Variants in TCF20 observed in about 807,000 individuals in gnomAD.
TCF20 encodes the protein transcription factor 20, also known as SPRE-binding protein.
Under a neutral mutation model 148.6 loss-of-function variants are expected in TCF20, and 3 were observed. The ratio of observed to expected loss-of-function variants is 0.02; its 90% CI spans 0.01 to 0.05. TCF20 has a LOEUF of 0.05. Among genes scored for constraint, TCF20 ranks in the 10% least tolerant of loss-of-function variants. The pLI is 1.00. For missense variants in TCF20, 2,350 were observed against 2,429.3 expected (o/e 0.97, Z 0.69); for synonymous variants, 1,049 against 909.5 (o/e 1.15, Z -2.76).
chr22:42,198,627 A>C (rs1367879519), intron 2 of TCF20, among the ~76,000 whole-genome samples: 1 of 152,056 alleles, frequency 6.6e-6, no homozygotes, highest in East Asian at 1.9e-4. Flanking sequence ...AAGAAGAAAA[A>C]AGTCTGTATA....
rs1569153874 is a variant in TCF20, at chr22:42,214,670, C to T, written c.636G>A (p.Gln212=). The T allele has an allele frequency of 6.8e-6, 11 of 1,614,156 alleles. No individual in the cohort carries two copies. Among genetic ancestry groups the T allele is most frequent in the Admixed American group, 1.7e-5 (1 of 60,022 alleles). The change falls in exon 2 of 6, where the codon CAG becomes CAA. Residue 212 remains glutamine, a synonymous_variant. Coordinates refer to ENST00000677622, the MANE Select transcript of TCF20 (RefSeq NM_001378418.1). The part of the protein sequence containing the change: ...ASSSSHLQPM[Q]RPSTLPSSAA... ...CAGAGGATGGCAGAGTTGAGGGCCG[C>T]TGCATTGGCTGTAGATGGGATGAGC...
At chr22:42,242,220 AAAAAAAAC>A (rs1924489603) in intron 1 of TCF20, among the ~76,000 whole-genome samples, 1 of 150,008 alleles carries the variant, frequency 6.7e-6, no homozygotes, top group African/African-American at 2.5e-5. Context: ...AAAAAAAAAA[AAAAAAAAC>A]AGAAAAGAAA....
intron 2 of TCF20, among the ~76,000 whole-genome samples, chr22:42,199,740 AGCCAGATGTGGTGACAGGAGAATC>A (rs1937863871): frequency 7.4e-6 from 1 of 135,928 alleles, no homozygotes; most frequent in Non-Finnish European, 1.6e-5. Flanking sequence ...AAAAAAAATT[AGCCAGATGTGGTGACAGGAGAATC>A]GCTTGAACCT....
intron 5 of TCF20, among the ~76,000 whole-genome samples, chr22:42,167,621 G>A (rs1935867936): frequency 6.6e-6 from 1 of 152,178 alleles, no homozygotes; most frequent in Non-Finnish European, 1.5e-5. Context: ...AGCTTCTAGA[G>A]ACCCCAAGTC....
intron 1 of TCF20, among the ~76,000 whole-genome samples, chr22:42,312,270 G>C (rs987097556): frequency 6.6e-6 from 1 of 152,200 alleles, no homozygotes; most frequent in Non-Finnish European, 1.5e-5. Flanking sequence ...TCCCCCAGTA[G>C]TCAGCGGGCC....
At chr22:42,228,180 T>TTAGTTA (rs553235695) in intron 1 of TCF20, among the ~76,000 whole-genome samples, 112 of 152,212 alleles carry the variant, frequency 7.4e-4, no homozygotes, top group African/African-American at 2.6e-3. Flanking sequence ...GAGCAGGGAA[T>TTAGTTA]TAGTTAGTTG....
intron 1 of TCF20, among the ~76,000 whole-genome samples, chr22:42,217,003 T>A (rs1481080617): frequency 6.6e-6 from 1 of 152,242 alleles, no homozygotes; most frequent in East Asian, 1.9e-4. Flanking sequence ...CAGTTTAGTT[T>A]AGTTACAATG....
chr22:42,280,576 T>G (rs753119528), intron 1 of TCF20, among the ~76,000 whole-genome samples: 7 of 152,228 alleles, frequency 4.6e-5, no homozygotes, highest in Non-Finnish European at 8.8e-5. Context: ...GAGAGACTAT[T>G]AAGCTAATAC....
At position 42,201,440 on chromosome 22, in the gene TCF20, T is replaced by G. The variant is rs537435329; in HGVS notation, c.5655+8211A>C. ...TCAGAATTCTTAATTATTTTGGGCC[T>G]TTTAGTGCTGACATGTTAAAAAGTT... On this transcript the variant is annotated intron_variant, in intron 2 of 5. Coordinates refer to ENST00000677622, the MANE Select transcript of TCF20 (RefSeq NM_001378418.1). Among the ~76,000 whole-genome samples, 4 of 152,272 alleles carry G rather than the reference T, an allele frequency of 2.6e-5. No individual in the cohort carries two copies. In the East Asian group the frequency reaches 7.7e-4, roughly 29 times the overall value.
intron 3 of TCF20, among the ~76,000 whole-genome samples, chr22:42,174,835 A>G (rs1936343240): frequency 1.3e-5 from 2 of 152,156 alleles, no homozygotes; most frequent in South Asian, 2.1e-4. Flanking sequence ...GGAGATCGAG[A>G]CCATCCCGGC....
At chr22:42,163,302 G>A (rs1935577529) in intron 5 of TCF20, among the ~76,000 whole-genome samples, 2 of 152,330 alleles carry the variant, frequency 1.3e-5, no homozygotes, top group South Asian at 4.1e-4. Flanking sequence ...TGGTGGCCCA[G>A]GCAGCGGCAG....
upstream of TCF20, among the ~76,000 whole-genome samples, chr22:42,273,115 C>G (rs1432700549): frequency 6.7e-6 from 1 of 148,462 alleles, no homozygotes; most frequent in Non-Finnish European, 1.5e-5. Flanking sequence ...AATCCCAGCA[C>G]TTGGGAGGCC....
intron 2 of TCF20, among the ~76,000 whole-genome samples, chr22:42,185,683 A>G (rs751374880): frequency 6.6e-6 from 1 of 152,210 alleles, no homozygotes. Flanking sequence ...TCTGCATCCT[A>G]TCAAGCTTCT....
intron 2 of TCF20, among the ~76,000 whole-genome samples, chr22:42,190,382 C>T (rs1234356708): frequency 2.0e-5 from 3 of 152,158 alleles, no homozygotes; most frequent in African/African-American, 4.8e-5. Context: ...ACTGCTCAAG[C>T]CCATGAGGTC....
In TCF20 at chr22:42,209,957, G is replaced by A. The variant is rs1920928188; in HGVS notation, c.5349C>T (p.His1783=). Residue 1783 remains histidine (H), a synonymous_variant, in exon 2 of 6, where the codon CAC becomes CAT. Transcript: ENST00000677622. ...AGCGGTGGCGCCGCTTAAACCTGGG[G>A]TGTGCGGCCAGGCTTCTCTGCTCCT... The part of the protein sequence containing the change: ...QQKEQRSLAA[H]PRFKRRHRSE... The A allele has an allele frequency of 1.2e-6, 2 of 1,613,866 alleles. No individual in the cohort carries two copies. The highest frequency in any genetic ancestry group is 2.2e-5 in the East Asian group (1 of 44,874).
At chr22:42,224,382 G>C (rs908256326) in intron 1 of TCF20, among the ~76,000 whole-genome samples, 3 of 151,814 alleles carry the variant, frequency 2.0e-5, no homozygotes, top group African/African-American at 7.3e-5. Flanking sequence ...TGAGGCAGGA[G>C]AATGGCGTGA....
intron 1 of TCF20, among the ~76,000 whole-genome samples, chr22:42,301,378 C>T (rs1427873298): frequency 6.6e-6 from 1 of 152,184 alleles, no homozygotes; most frequent in Non-Finnish European, 1.5e-5. Flanking sequence ...GGGAGACAGA[C>T]GTGACCACAC....
At chr22:42,283,392 CGGGGGCGCGGCTGGATCTGGACCGGA>C (rs896857540) in intron 1 of TCF20, among the ~76,000 whole-genome samples, 16 of 150,824 alleles carry the variant, frequency 1.1e-4, no homozygotes, top group African/African-American at 3.7e-4. Flanking sequence ...CCGGAGGGGA[CGGGGGCGCGGCTGGATCTGGACCGGA>C]GGGGACGGGG....
At position 42,317,719 on chromosome 22, in the gene TCF20, G is replaced by A. The variant is rs1007047380; in HGVS notation, c.-37+25760C>T. ...TGGGGGTTCTGTGGGCCTTTCCCAC[G>A]GTCCAGCAGTGGGGAGGGTGGAAGA... On this transcript the variant is annotated intron_variant, in intron 1 of 1. Coordinates refer to the TCF20 transcript ENST00000515426. This position sits in a 1 kb window ranked among gnomAD's most constrained non-coding sequence, Gnocchi z 4.2. 4.6e-5 allele frequency among the ~76,000 whole-genome samples: 7 copies of A among 152,190 alleles called. No individual in the cohort carries two copies. Among genetic ancestry groups the A allele is most frequent in the South Asian group, 2.1e-4 (1 of 4,836 alleles).
Sources: allele counts gnomAD v4.1 joint callset (sites outside exome capture counted in the v4.1 genomes callset), GRCh38; gene constraint gnomAD v4.1.1; non-coding constraint Gnocchi (gnomAD v3.1); transcripts MANE v1.5; gene names NCBI Gene and HGNC (gene_info 2026-07-23, HGNC 2026-07-21).